Variants in MAGED1 observed in about 807,000 individuals in gnomAD.
MAGED1 encodes the protein MAGE family member D1.
MAGED1 carries 3 observed loss-of-function variants against 54.1 expected under a neutral mutation model. The ratio of observed to expected loss-of-function variants is 0.06; its 90% CI spans 0.03 to 0.14. The LOEUF (loss-of-function observed/expected upper bound fraction) is 0.14, where lower values mean the gene tolerates loss of function less well. Among genes scored for constraint, MAGED1 ranks in the 10% least tolerant of loss-of-function variants. The probability of loss-of-function intolerance (pLI) is 1.00; values close to 1 mark genes in which losing one functional copy is unlikely to be tolerated. For synonymous variants in MAGED1, 217 were observed against 227.3 expected (o/e 0.95, Z 0.41); for missense variants, 485 against 623.4 (o/e 0.78, Z 2.36).
intron 1 of MAGED1, among the ~76,000 whole-genome samples, chrX:51,868,556 G>A (rs1326136579): frequency 2.7e-5 from 3 of 111,649 alleles, no homozygotes; most frequent in African/African-American, 9.8e-5. Context: ...CAGAGGCAAT[G>A]TGAGTGACAG....
intron 1 of MAGED1, among the ~76,000 whole-genome samples, chrX:51,813,917 T>A (rs1488365715): frequency 8.9e-6 from 1 of 111,971 alleles, no homozygotes; most frequent in Non-Finnish European, 1.9e-5. Context: ...GTTTAGGTAA[T>A]TTAATGGACA....
At chrX:51,872,120 GTTGT>G (rs1557361637) in intron 1 of MAGED1, among the ~76,000 whole-genome samples, 1 of 111,693 alleles carries the variant, frequency 9.0e-6, no homozygotes, top group Non-Finnish European at 1.9e-5. Flanking sequence ...TTTTGATGGG[GTTGT>G]TTGTTTTTTT....
At position 51,862,859 on chromosome X, in the gene MAGED1, G is replaced by A. The variant is rs191034092; in HGVS notation, c.-36-31410G>A. Among the ~76,000 whole-genome samples the A allele has an allele frequency of 9.0e-5, 10 of 111,353 alleles. 1 individual carries two copies. The highest frequency in any genetic ancestry group is 8.6e-4 in the Admixed American group (9 of 10,453). ...GAGTTATAGTTGACAAAAATTATAC[G>A]TATTCAAGGTGTATACATATTCAAA... On this transcript the variant is annotated intron_variant, in intron 1 of 12. Transcript: ENST00000375772.
intron 1 of MAGED1, among the ~76,000 whole-genome samples, chrX:51,803,627 CTTTTTTT>C (rs1179676499): frequency 1.7e-5 from 1 of 60,467 alleles, no homozygotes; most frequent in African/African-American, 6.3e-5. Context: ...AAGGTCAAGG[CTTTTTTT>C]TTTTTTTTTT....
chrX:51,897,431 G>C, intron 5 of MAGED1, 116 bp from the exon 6 acceptor site: 1 of 772,671 alleles, frequency 1.3e-6, no homozygotes. Flanking sequence ...CCTTTCCATG[G>C]TTGGCTCTTT....
At chrX:51,822,696 G>A (rs1925683918) in intron 1 of MAGED1, among the ~76,000 whole-genome samples, 1 of 110,688 alleles carries the variant, frequency 9.0e-6, no homozygotes, top group Non-Finnish European at 1.9e-5. Flanking sequence ...TCATGGTGTG[G>A]AGTTCTTTTT....
In MAGED1 at chrX:51,898,593, C is replaced by G; in HGVS notation, c.1794C>G (p.Pro598=). The change falls in exon 10 of 13, where the codon CCC becomes CCG. Residue 598 remains proline (P), a synonymous_variant. Coordinates refer to ENST00000326587, the MANE Select transcript of MAGED1 (RefSeq NM_006986.4). ...KMGLRPGVRH[P]LLGDLRKLLT... is the part of the protein sequence containing the mutation. ...TTTTTACCTTCAGGGTGAGACATCC[C>G]CTCCTTGGAGATCTAAGGAAACTTC... 5.0e-6 allele frequency: 6 copies of G among 1,207,973 alleles called. No individual in the cohort carries two copies. Among genetic ancestry groups the G allele is most frequent in the Non-Finnish European group, 6.7e-6 (6 of 893,614 alleles).
intron 1 of MAGED1, among the ~76,000 whole-genome samples, chrX:51,863,035 A>G (rs1295888896): frequency 1.8e-5 from 2 of 111,789 alleles, no homozygotes; most frequent in Non-Finnish European, 3.8e-5. Context: ...ATTACTAACT[A>G]TATTCACCAT....
chrX:51,899,765 T>A lies in MAGED1; in HGVS notation c.1845-417T>A, dbSNP rs191955930. 6 of 141,254 alleles carry A rather than the reference T, an allele frequency of 4.2e-5. No homozygotes were observed. In the East Asian group the frequency reaches 1.3e-3, roughly 31 times the overall value. 11.6% of individuals were successfully genotyped at this position (141,254 alleles called of 1,213,427 possible). ...CCAGAATTTTTCTAATTTTTCTACT[T>A]TTCTAAGCAGTTGTCTTGCAAGTGA... On this transcript the variant is annotated intron_variant, in intron 10 of 12. Transcript: ENST00000326587.
At chrX:51,809,612 A>G (rs1925150348) in intron 1 of MAGED1, among the ~76,000 whole-genome samples, 1 of 111,527 alleles carries the variant, frequency 9.0e-6, no homozygotes, top group Non-Finnish European at 1.9e-5. Flanking sequence ...ATTTTTTAAG[A>G]GAAAGACTCA....
intron 1 of MAGED1, among the ~76,000 whole-genome samples, chrX:51,824,702 C>CTG (rs1416090731): frequency 4.0e-5 from 2 of 50,338 alleles, no homozygotes; most frequent in African/African-American, 7.9e-5. Context: ...TTTATATTGT[C>CTG]TCTGTGTGTG....
At chrX:51,840,597 A>G (rs1163122665) in intron 1 of MAGED1, among the ~76,000 whole-genome samples, 1 of 93,914 alleles carries the variant, frequency 1.1e-5, no homozygotes, top group African/African-American at 4.1e-5. Flanking sequence ...CCCCCACCCC[A>G]CAACGGTCCC....
chrX:51,849,487 A>C (rs1336113794), intron 1 of MAGED1, among the ~76,000 whole-genome samples: 1 of 111,944 alleles, frequency 8.9e-6, no homozygotes, highest in African/African-American at 3.2e-5. Flanking sequence ...ACAAAAATGA[A>C]GGTGGTTCAT....
Position 51,896,663 on chromosome X carries a change from C to T in MAGED1, c.1008C>T (p.Val336=), listed in dbSNP as rs576285476. 31 of 1,210,550 alleles carry T rather than the reference C, an allele frequency of 2.6e-5. No homozygotes were observed. Among genetic ancestry groups the T allele is most frequent in the East Asian group, 1.5e-4 (5 of 33,773 alleles). The change falls in exon 4 of 13, where the codon GTC becomes GTT. Residue 336 remains valine (V), a synonymous_variant. Transcript: ENST00000326587. ...CCCCACCAGCCTGGCAGAACCCAGT[C>T]GCTTGGCAGAACCCAGTGATTTGGC... is the stretch of plus-strand genomic sequence containing the variant. ...RQTPPAWQNP[V]AWQNPVIWPN...
At chrX:51,817,501 A>G (rs1435144455) in intron 1 of MAGED1, among the ~76,000 whole-genome samples, 15 of 112,058 alleles carry the variant, frequency 1.3e-4, no homozygotes, top group African/African-American at 4.5e-4. Flanking sequence ...TTCACTGCCT[A>G]TTTCAACAGC....
At chrX:51,831,430 A>G (rs1044153203) in intron 1 of MAGED1, among the ~76,000 whole-genome samples, 82 of 110,966 alleles carry the variant, frequency 7.4e-4, no homozygotes, top group Non-Finnish European at 1.2e-3. Flanking sequence ...TGGGCAACAC[A>G]GGGAGACCCC....
intron 1 of MAGED1, among the ~76,000 whole-genome samples, chrX:51,834,737 G>T (rs782488759): frequency 1.8e-5 from 2 of 110,991 alleles, no homozygotes; most frequent in East Asian, 5.7e-4. Flanking sequence ...TACCTTAATG[G>T]TTTCTTTTGT....
intron 1 of MAGED1, among the ~76,000 whole-genome samples, chrX:51,875,290 A>T (rs781928020): frequency 1.4e-4 from 15 of 111,016 alleles, no homozygotes; most frequent in Middle Eastern, 9.2e-3. Context: ...CTCCCTGTGT[A>T]ACTCTCTCTT....
upstream of MAGED1, among the ~76,000 whole-genome samples, chrX:51,890,281 T>C (rs1928388552): frequency 8.9e-6 from 1 of 112,546 alleles, no homozygotes; most frequent in Non-Finnish European, 1.9e-5. Context: ...TACAACTCCA[T>C]TGGGAGAGTA....
Sources: gnomAD v4.1 joint callset for allele counts (sites outside exome capture counted in the v4.1 genomes callset) on GRCh38, gnomAD v4.1.1 for gene constraint, MANE v1.5 for transcripts, NCBI Gene and HGNC (gene_info 2026-07-23, HGNC 2026-07-21) for gene names.